The following XRCC4 variants were observed in gnomAD, a reference collection of about 807,000 sequenced individuals.
The protein encoded by XRCC4 is X-ray repair cross complementing 4.
In XRCC4, 28 loss-of-function variants were observed where a neutral mutation model predicts 39.1. The observed-to-expected ratio is 0.72, with a 90% CI of 0.53 to 0.98. The LOEUF is 0.98. XRCC4 is among the 50% of genes least tolerant of loss of function. The pLI is 0.00. For missense variants in XRCC4, 350 were observed against 376.4 expected, an observed-to-expected ratio of 0.93 and a Z score of 0.58; for synonymous variants, 123 against 126.4, an observed-to-expected ratio of 0.97 and a Z score of 0.18.
At chr5:83,147,575 A>C (rs1302385444) in intron 3 of XRCC4, among the ~76,000 whole-genome samples, 1 of 152,098 alleles carries the variant, frequency 6.6e-6, no homozygotes, top group Non-Finnish European at 1.5e-5. Context: ...TGCTTGAAGA[A>C]ATTTTGGTCA....
At chr5:83,242,265 C>G (rs1441963705) in intron 6 of XRCC4, among the ~76,000 whole-genome samples, 1 of 151,648 alleles carries the variant, frequency 6.6e-6, no homozygotes, top group Non-Finnish European at 1.5e-5. Flanking sequence ...CACTTTTAAT[C>G]TCCTTAATTT....
Position 83,258,659 on chromosome 5 carries a change from A to G in XRCC4, c.875A>G (p.Gln292Arg), listed in dbSNP as rs1753642332. Residue 292 changes from glutamine (Q) to arginine (R), a missense_variant, in exon 7 of 8, where the codon CAG becomes CGG. Coordinates refer to ENST00000396027, the MANE Select transcript of XRCC4 (RefSeq NM_003401.5). ...CCTAAAATGGCTCCTCAGGAGAATC[A>G]GCTTCAAGAAAAGGAAAAGTAAGTC... ...TEPKMAPQEN[Q>R]LQEKEKPDSS... 1.2e-6 allele frequency: 2 copies of G among 1,610,302 alleles called. No homozygotes were observed. Among genetic ancestry groups the G allele is most frequent in the Non-Finnish European group, 1.7e-6 (2 of 1,178,676 alleles).
intron 3 of XRCC4, among the ~76,000 whole-genome samples, chr5:83,166,888 T>C (rs1300274281): frequency 6.6e-6 from 1 of 151,944 alleles, no homozygotes; most frequent in Non-Finnish European, 1.5e-5. Context: ...TTGGGTTTTT[T>C]GTTTTTTTTT....
At chr5:83,304,332 C>T (rs549335191) in intron 7 of XRCC4, among the ~76,000 whole-genome samples, 2 of 152,134 alleles carry the variant, frequency 1.3e-5, no homozygotes, top group South Asian at 4.2e-4. Flanking sequence ...CCCCACCGCA[C>T]CCAGCCTTAA....
chr5:83,114,178 G>A (rs190613325), intron 3 of XRCC4, among the ~76,000 whole-genome samples: 28 of 152,084 alleles, frequency 1.8e-4, no homozygotes, highest in Admixed American at 2.6e-4. Flanking sequence ...TGTTTTTACC[G>A]CCTAGGCCTC....
At chr5:83,103,078 G>A (rs1746028749) in intron 1 of XRCC4, among the ~76,000 whole-genome samples, 1 of 139,630 alleles carries the variant, frequency 7.2e-6, no homozygotes, top group South Asian at 2.3e-4. Context: ...TTATTATTTA[G>A]TCACTAAGAA....
chr5:83,352,904 T>C (rs181692512), intron 7 of XRCC4, among the ~76,000 whole-genome samples: 127 of 152,268 alleles, frequency 8.3e-4, no homozygotes, highest in Non-Finnish European at 1.0e-3. Context: ...TTGTTATAGG[T>C]TCTTGAATTT....
At chr5:83,096,077 A>G (rs1476862591) in intron 1 of XRCC4, among the ~76,000 whole-genome samples, 2 of 151,762 alleles carry the variant, frequency 1.3e-5, no homozygotes, top group Non-Finnish European at 2.9e-5. Context: ...GTCAGGATCT[A>G]CTGTGGGATG....
At chr5:83,303,631 T>C (rs894796866) in intron 7 of XRCC4, among the ~76,000 whole-genome samples, 14 of 152,196 alleles carry the variant, frequency 9.2e-5, no homozygotes, top group African/African-American at 2.9e-4. Flanking sequence ...TATATTTAAT[T>C]TCATGCCTCT....
intron 7 of XRCC4, among the ~76,000 whole-genome samples, chr5:83,345,952 G>T (rs976714218): frequency 1.3e-5 from 2 of 152,054 alleles, no homozygotes; most frequent in African/African-American, 4.8e-5. Context: ...GTTGTAGTTT[G>T]TGTATGTGTG....
chr5:83,272,903 T>G (rs1461847318), intron 7 of XRCC4, among the ~76,000 whole-genome samples: 1 of 152,192 alleles, frequency 6.6e-6, no homozygotes, highest in Non-Finnish European at 1.5e-5. Flanking sequence ...GCATGTGTCT[T>G]TATAGTAGAA....
At chr5:83,345,271 G>T (rs1756884121) in intron 7 of XRCC4, among the ~76,000 whole-genome samples, 1 of 151,992 alleles carries the variant, frequency 6.6e-6, no homozygotes, top group African/African-American at 2.4e-5. Context: ...TTTCTGCCTT[G>T]AATAAACTTT....
intron 3 of XRCC4, 45 bp from the exon 4 acceptor site, chr5:83,195,725 T>A: frequency 6.7e-7 from 1 of 1,503,736 alleles, no homozygotes; most frequent in Non-Finnish European, 8.9e-7. Context: ...GGCTTCTCAA[T>A]CTTGATATTT....
chr5:83,286,256 A>G (rs1754729211), intron 7 of XRCC4, among the ~76,000 whole-genome samples: 1 of 152,074 alleles, frequency 6.6e-6, no homozygotes, highest in South Asian at 2.1e-4. Flanking sequence ...TGGCTCACAC[A>G]TTTACTTTTC....
At chr5:83,105,584 A>AT (rs1390437131) in intron 2 of XRCC4, among the ~76,000 whole-genome samples, 3 of 152,148 alleles carry the variant, frequency 2.0e-5, no homozygotes, top group Admixed American at 6.6e-5. Flanking sequence ...TAGGAAATAG[A>AT]TTTTTTTAAC....
At chr5:83,196,304 T>C (rs930215192) in intron 4 of XRCC4, among the ~76,000 whole-genome samples, 1 of 152,078 alleles carries the variant, frequency 6.6e-6, no homozygotes, top group Non-Finnish European at 1.5e-5. Context: ...ATAAGCATAA[T>C]TGATTTCTCA....
At chr5:83,224,848 T>C (rs1580392181) in intron 6 of XRCC4, among the ~76,000 whole-genome samples, 1 of 152,212 alleles carries the variant, frequency 6.6e-6, no homozygotes, top group Non-Finnish European at 1.5e-5. Flanking sequence ...TGTCTCTTCA[T>C]TGAAATTCTC....
intron 6 of XRCC4, among the ~76,000 whole-genome samples, chr5:83,229,771 A>T (rs1189579374): frequency 2.0e-5 from 3 of 150,302 alleles, no homozygotes; most frequent in African/African-American, 7.4e-5. Flanking sequence ...TTGGTCTTTA[A>T]TATGGTAGTT....
the XRCC4 span, among the ~76,000 whole-genome samples, chr5:83,373,569 C>T: frequency 3.3e-5 from 5 of 152,136 alleles, no homozygotes; most frequent in Admixed American, 2.0e-4. Context: ...GGCACACTGA[C>T]CCAGCATCAT....
Sources: gnomAD v4.1 joint callset for allele counts (sites outside exome capture counted in the v4.1 genomes callset) on GRCh38, gnomAD v4.1.1 for gene constraint, MANE v1.5 for transcripts, NCBI Gene and HGNC (gene_info 2026-07-23, HGNC 2026-07-21) for gene names.